The following ABHD12 variants were observed in gnomAD, a reference collection of about 807,000 sequenced individuals.
The protein encoded by ABHD12 is lysophosphatidylserine lipase ABHD12.
Under a neutral mutation model 58.3 loss-of-function variants are expected in ABHD12, and 43 were observed. That is an observed-to-expected ratio of 0.74 (90% CI 0.58 to 0.95). The LOEUF is 0.95. ABHD12 is among the 40% of genes least tolerant of loss of function. ABHD12 has a pLI of 0.00. For missense variants in ABHD12, 539 were observed against 537.2 expected, an observed-to-expected ratio of 1.00 and a Z score of -0.03; for synonymous variants, 219 against 211.2, an observed-to-expected ratio of 1.04 and a Z score of -0.32.
downstream of ABHD12, among the ~76,000 whole-genome samples, chr20:25,298,999 C>T (rs1015438124): frequency 3.9e-5 from 6 of 152,220 alleles, no homozygotes; most frequent in African/African-American, 1.4e-4. Flanking sequence ...GAGCTCAGCA[C>T]CCTGGGTAGG....
chr20:25,327,423 C>T (rs1281811274), intron 2 of ABHD12, among the ~76,000 whole-genome samples: 3 of 150,754 alleles, frequency 2.0e-5, no homozygotes, highest in Admixed American at 1.3e-4. Flanking sequence ...GCTGAGATCA[C>T]GCCATTGCAC....
At chr20:25,314,879 C>T (rs539513864) in intron 6 of ABHD12, 46 bp downstream of exon 6, 42 of 1,608,368 alleles carry the variant, frequency 2.6e-5, no homozygotes, top group Non-Finnish European at 3.6e-5. Flanking sequence ...ATACCGCCAG[C>T]AAGCAGTGGA....
intron 1 of ABHD12, among the ~76,000 whole-genome samples, chr20:25,366,991 G>C (rs919737833): frequency 2.0e-5 from 3 of 152,050 alleles, no homozygotes; most frequent in Non-Finnish European, 2.9e-5. Context: ...CTTGGTACGA[G>C]ATCTCTGTAT....
At chr20:25,294,890 C>G (rs992675168) in exon 13 of ABHD12, 7 of 1,499,542 alleles carry the variant, frequency 4.7e-6, no homozygotes, top group African/African-American at 4.2e-5. Flanking sequence ...GGGAATTCAC[C>G]TGCCCTCCAC....
chr20:25,388,930 G>A (rs2090132494), intron 1 of ABHD12, among the ~76,000 whole-genome samples: 1 of 151,500 alleles, frequency 6.6e-6, no homozygotes. Context: ...TCAGCCTCCC[G>A]AGTAGCTGGG....
intron 6 of ABHD12, among the ~76,000 whole-genome samples, chr20:25,314,650 G>C (rs2088926213): frequency 6.6e-6 from 1 of 151,532 alleles, no homozygotes; most frequent in Non-Finnish European, 1.5e-5. Context: ...CTGTACTCCA[G>C]GTTGGGTGAC....
chr20:25,300,721 G>T lies in ABHD12; in HGVS notation c.*124C>A. On this transcript the variant is annotated 3_prime_UTR_variant, in exon 13 of 13. Coordinates refer to ENST00000339157, the MANE Select transcript of ABHD12 (RefSeq NM_001042472.3). ...CGCCTGGGATCTGAGGTGCTCTCCA[G>T]GTGCGAGCTGGGCTCCTGAGCATTG... 6.4e-7 allele frequency: 1 copy of T among 1,571,424 alleles called. No homozygotes were observed. The highest frequency in any genetic ancestry group is 2.4e-5 in the East Asian group (1 of 42,430).
intron 6 of ABHD12, 77 bp from the exon 7 acceptor site, chr20:25,309,652 G>T: frequency 6.3e-7 from 1 of 1,597,666 alleles, no homozygotes; most frequent in Non-Finnish European, 8.5e-7. Flanking sequence ...CCCCAAGGGG[G>T]CCCAGGGCCA....
downstream of ABHD12, chr20:25,296,400 A>G (rs1388367234): frequency 1.9e-6 from 3 of 1,613,960 alleles, no homozygotes; most frequent in Non-Finnish European, 2.5e-6. Context: ...GAAGGTCATC[A>G]GGAACATCGC....
At chr20:25,335,100 A>T (rs1396046875) in intron 2 of ABHD12, among the ~76,000 whole-genome samples, 1 of 151,252 alleles carries the variant, frequency 6.6e-6, no homozygotes, top group Non-Finnish European at 1.5e-5. Context: ...AACTCAAACA[A>T]ATTTACAAGA....
intron 1 of ABHD12, among the ~76,000 whole-genome samples, chr20:25,351,176 T>A (rs574058961): frequency 6.6e-6 from 1 of 152,336 alleles, no homozygotes; most frequent in South Asian, 2.1e-4. Context: ...GAAAGGTTTT[T>A]TTCTTCCCAA....
intron 1 of ABHD12, among the ~76,000 whole-genome samples, chr20:25,342,742 T>C (rs1314957627): frequency 6.6e-6 from 1 of 152,062 alleles, no homozygotes; most frequent in Non-Finnish European, 1.5e-5. Flanking sequence ...CAGACCACCA[T>C]ACCCAGCCAG....
chr20:25,347,907 A>G (rs6050555), intron 1 of ABHD12, among the ~76,000 whole-genome samples: 79,265 of 144,600 alleles, frequency 0.55, 21,496 homozygotes, highest in Admixed American at 0.61. Flanking sequence ...GTGGGTTTAG[A>G]AAAAAAAAAA....
intron 2 of ABHD12, among the ~76,000 whole-genome samples, chr20:25,338,551 C>T (rs1451533884): frequency 2.0e-5 from 3 of 152,176 alleles, no homozygotes; most frequent in Non-Finnish European, 4.4e-5. Flanking sequence ...GGGCTTGATA[C>T]TTCTGCACCT....
chr20:25,345,221 G>C (rs559809865), intron 1 of ABHD12, among the ~76,000 whole-genome samples: 1 of 152,182 alleles, frequency 6.6e-6, no homozygotes, highest in South Asian at 2.1e-4. Flanking sequence ...GAGCAGCTGA[G>C]ACTACAGGTG....
At chr20:25,378,107 A>C (rs2089981389) in intron 1 of ABHD12, among the ~76,000 whole-genome samples, 1 of 152,240 alleles carries the variant, frequency 6.6e-6, no homozygotes, top group Admixed American at 6.5e-5. Flanking sequence ...ATCAAGCCAT[A>C]GCAGATACCC....
intron 7 of ABHD12, among the ~76,000 whole-genome samples, chr20:25,309,151 T>C (rs1274051738): frequency 1.3e-5 from 2 of 152,140 alleles, no homozygotes; most frequent in African/African-American, 4.8e-5. Flanking sequence ...CCACCCACTG[T>C]GCCCTCCCTC....
chr20:25,380,654 T>G (rs2146130389), intron 1 of ABHD12, among the ~76,000 whole-genome samples: 1 of 152,282 alleles, frequency 6.6e-6, no homozygotes, highest in South Asian at 2.1e-4. Context: ...TCAGGCTTTC[T>G]TCTGCAACAG....
At chr20:25,321,209 T>C (rs4815404) in intron 3 of ABHD12, among the ~76,000 whole-genome samples, 1 of 152,036 alleles carries the variant, frequency 6.6e-6, no homozygotes, top group Non-Finnish European at 1.5e-5. Flanking sequence ...GGATAGGACG[T>C]CACATTTTGA....
Sources: allele counts gnomAD v4.1 joint callset (sites outside exome capture counted in the v4.1 genomes callset), GRCh38; gene constraint gnomAD v4.1.1; transcripts MANE v1.5; gene names NCBI Gene and HGNC (gene_info 2026-07-23, HGNC 2026-07-21).